The following SULT4A1 variants were observed in gnomAD, a reference collection of about 807,000 sequenced individuals.
The protein encoded by SULT4A1 is sulfotransferase 4A1.
A neutral mutation model predicts 35.2 loss-of-function variants in SULT4A1; 11 were observed. The observed-to-expected ratio is 0.31, with a 90% CI of 0.20 to 0.52. The LOEUF (loss-of-function observed/expected upper bound fraction) is 0.52, where lower values mean the gene tolerates loss of function less well. Among genes scored for constraint, SULT4A1 ranks in the 20% least tolerant of loss-of-function variants. The pLI, the probability that SULT4A1 is intolerant of heterozygous loss-of-function variation, is 0.97. For missense variants in SULT4A1, 271 were observed against 383.7 expected (o/e 0.71, Z 2.45); for synonymous variants, 152 against 151.8 (o/e 1.00, Z -0.01).
chr22:43,833,995 G>A (rs2063344824), intron 4 of SULT4A1, among the ~76,000 whole-genome samples: 1 of 152,202 alleles, frequency 6.6e-6, no homozygotes, highest in Non-Finnish European at 1.5e-5. Flanking sequence ...GTACCTGGCA[G>A]TGGACCGCAA....
intron 2 of SULT4A1, 24 bp from the exon 3 acceptor site, chr22:43,840,049 C>G (rs1256880210): frequency 6.4e-7 from 1 of 1,574,792 alleles, no homozygotes; most frequent in Admixed American, 1.8e-5. Flanking sequence ...GAGGGAGAGG[C>G]AGGTCAGAGG....
Position 43,848,995 on chromosome 22 carries a change from C to T in SULT4A1, c.170-7063G>A, listed in dbSNP as rs534651555. Among the ~76,000 whole-genome samples, 6 of 152,358 alleles carry T rather than the reference C, an allele frequency of 3.9e-5. No homozygotes were observed. The East Asian group carries it at 1.2e-3, about 29-fold the overall frequency. On this transcript the variant is annotated intron_variant, in intron 1 of 6. Coordinates refer to ENST00000330884, the MANE Select transcript of SULT4A1 (RefSeq NM_014351.4). Reference sequence around the variant, plus strand: ...GCTTCTGCTGACACCACTGCAATCACTTCTGAGTGGCAAACCGATCAATAC... The same window carrying T: ...GCTTCTGCTGACACCACTGCAATCATTTCTGAGTGGCAAACCGATCAATAC...
chr22:43,852,251 T>C (rs544055238), intron 1 of SULT4A1, among the ~76,000 whole-genome samples: 115 of 152,152 alleles, frequency 7.6e-4, no homozygotes, highest in Middle Eastern at 3.4e-3. Flanking sequence ...CACTGCAGCC[T>C]CACCCTCCTG....
intron 5 of SULT4A1, 29 bp downstream of exon 5, chr22:43,833,611 C>T: frequency 1.3e-6 from 2 of 1,568,974 alleles, no homozygotes; most frequent in African/African-American, 1.3e-5. Context: ...CCAGGGCACC[C>T]GGAGGACAGC....
chr22:43,859,515 GTT>G (rs1010231030), intron 1 of SULT4A1, among the ~76,000 whole-genome samples: 1 of 152,242 alleles, frequency 6.6e-6, no homozygotes, highest in Non-Finnish European at 1.5e-5. Flanking sequence ...AAATCAACCT[GTT>G]GACAAAACCA....
chr22:43,852,558 G>A (rs925026309), intron 1 of SULT4A1, among the ~76,000 whole-genome samples: 1 of 151,930 alleles, frequency 6.6e-6, no homozygotes, highest in Non-Finnish European at 1.5e-5. Context: ...CCATCCAGGT[G>A]GGAACTGCCC....
In SULT4A1 at chr22:43,833,608, A is replaced by G. The variant is rs779640692; in HGVS notation, c.603+32T>C. On this transcript the variant is annotated intron_variant, in intron 5 of 6. Coordinates refer to ENST00000330884, the MANE Select transcript of SULT4A1 (RefSeq NM_014351.4). ...GAGCTGCCAGGCCGAGGGCCAGGGC[A>G]CCCGGAGGACAGCTGCTCCGGCAGC... 2.6e-6 allele frequency: 4 copies of G among 1,557,254 alleles called. No homozygotes were observed. In the African/African-American group the frequency reaches 5.4e-5, roughly 21 times the overall value.
chr22:43,841,961 G>A lies in SULT4A1; in HGVS notation c.170-29C>T, dbSNP rs2063433867. ...GAGGGGAGAAGCCCCAGCGCGGGGT[G>A]CTCAGAGGAGGCCCACGCGCCCGGC... On this transcript the variant is annotated intron_variant, in intron 1 of 6. Coordinates refer to ENST00000330884, the MANE Select transcript of SULT4A1 (RefSeq NM_014351.4). 4 of 1,603,450 alleles carry A rather than the reference G, an allele frequency of 2.5e-6. No individual in the cohort carries two copies. In the East Asian group the frequency reaches 9.0e-5, roughly 36 times the overall value.
In SULT4A1 at chr22:43,862,106, G is replaced by A. The variant is rs1355285069; in HGVS notation, c.169+108C>T. The A allele has an allele frequency of 2.7e-5, 21 of 778,006 alleles. No individual in the cohort carries two copies. The Admixed American group carries it at 5.4e-4, about 20-fold the overall frequency. The allele number at this position is 778,006 out of a possible 1,614,324, so 48.2% of individuals were successfully genotyped here. On this transcript the variant is annotated intron_variant, in intron 1 of 6. Transcript: ENST00000330884. ...TGGGCACGGCAGGGGCGGAGGCCAA[G>A]GGCGACCACCCGGCCCAGCAGAAGC...
At chr22:43,843,961 G>C (rs539248334) in intron 1 of SULT4A1, among the ~76,000 whole-genome samples, 1 of 152,278 alleles carries the variant, frequency 6.6e-6, no homozygotes, top group East Asian at 1.9e-4. Context: ...GGGCAGTCTT[G>C]TGGGACTGAG....
intron 1 of SULT4A1, among the ~76,000 whole-genome samples, chr22:43,855,090 C>A (rs1405609699): frequency 6.6e-6 from 1 of 152,194 alleles, no homozygotes; most frequent in South Asian, 2.1e-4. Flanking sequence ...CTCCAGGCAT[C>A]AGCAGCAGCG....
At chr22:43,838,844 T>C in intron 4 of SULT4A1, 23 bp downstream of exon 4, 3 of 1,613,488 alleles carry the variant, frequency 1.9e-6, no homozygotes, top group Non-Finnish European at 1.7e-6. Context: ...GGTTCTAACA[T>C]GCCGCCAGGC....
chr22:43,827,333 ACTTTCT>A, intron 6 of SULT4A1: 1 of 985,482 alleles, frequency 1.0e-6, no homozygotes, highest in Non-Finnish European at 1.2e-6. Context: ...CGTAACACGG[ACTTTCT>A]CTTTGGTAAC....
At chr22:43,835,834 G>A (rs2063366781) in intron 4 of SULT4A1, among the ~76,000 whole-genome samples, 1 of 152,226 alleles carries the variant, frequency 6.6e-6, no homozygotes, top group African/African-American at 2.4e-5. Flanking sequence ...AAGGCATGAA[G>A]GACTGCACGT....
chr22:43,839,053 C>T (rs138073), intron 3 of SULT4A1, 60 bp from the exon 4 acceptor site: 334,964 of 1,596,658 alleles, frequency 0.21, 36,580 homozygotes, highest in African/African-American at 0.32. Flanking sequence ...AGGGCTGCCC[C>T]GACACAGGCC....
At chr22:43,832,264 T>C (rs984362731) in intron 5 of SULT4A1, among the ~76,000 whole-genome samples, 4 of 152,080 alleles carry the variant, frequency 2.6e-5, no homozygotes, top group Non-Finnish European at 4.4e-5. Flanking sequence ...TGGAGGCCCA[T>C]GTAGAGTCAG....
At chr22:43,853,774 C>T (rs1225763568) in intron 1 of SULT4A1, among the ~76,000 whole-genome samples, 6 of 152,198 alleles carry the variant, frequency 3.9e-5, no homozygotes, top group African/African-American at 1.4e-4. Flanking sequence ...CCTGAGGCTG[C>T]CAAGAGGCTA....
At chr22:43,843,775 C>T (rs1362463780) in intron 1 of SULT4A1, among the ~76,000 whole-genome samples, 1 of 152,260 alleles carries the variant, frequency 6.6e-6, no homozygotes, top group East Asian at 1.9e-4. Flanking sequence ...CATCAGAAGC[C>T]TTTGTAACAT....
intron 5 of SULT4A1, among the ~76,000 whole-genome samples, chr22:43,829,638 G>A (rs764117917): frequency 6.6e-6 from 1 of 152,222 alleles, no homozygotes; most frequent in Non-Finnish European, 1.5e-5. Flanking sequence ...CCCTGCACTG[G>A]GCAGGGAGCC....
Sources: gnomAD v4.1 joint callset for allele counts (sites outside exome capture counted in the v4.1 genomes callset) on GRCh38, gnomAD v4.1.1 for gene constraint, MANE v1.5 for transcripts, NCBI Gene and HGNC (gene_info 2026-07-23, HGNC 2026-07-21) for gene names.